Variants in FARS2 observed in about 807,000 individuals in gnomAD.
The protein encoded by FARS2 is phenylalanyl-tRNA synthetase 2, mitochondrial, also known as phenylalanine--tRNA ligase, mitochondrial.
FARS2 carries 40 observed loss-of-function variants against 46.4 expected under a neutral mutation model. That is an observed-to-expected ratio of 0.86 (90% CI 0.67 to 1.12). FARS2 has a LOEUF of 1.12. Ranked by LOEUF, FARS2 falls within the 50% of genes most tolerant of loss-of-function variation. The probability of loss-of-function intolerance (pLI) is 0.00; values close to 1 mark genes in which losing one functional copy is unlikely to be tolerated. For missense variants in FARS2, 513 were observed against 567.9 expected, an observed-to-expected ratio of 0.90 and a Z score of 0.98; for synonymous variants, 234 against 214.9, an observed-to-expected ratio of 1.09 and a Z score of -0.78.
intron 4 of FARS2, among the ~76,000 whole-genome samples, chr6:5,522,646 T>A (rs1769216789): frequency 6.6e-6 from 1 of 152,262 alleles, no homozygotes; most frequent in Admixed American, 6.5e-5. Context: ...CCTCCATCTG[T>A]TTTCTTTCTT....
intron 6 of FARS2, among the ~76,000 whole-genome samples, chr6:5,747,936 T>G (rs1457257412): frequency 6.6e-6 from 1 of 152,252 alleles, no homozygotes; most frequent in Non-Finnish European, 1.5e-5. Context: ...GCCTCCATTT[T>G]CTCTGATTCT....
chr6:5,667,524 A>C (rs1474887923), intron 6 of FARS2, among the ~76,000 whole-genome samples: 1 of 106,742 alleles, frequency 9.4e-6, no homozygotes, highest in Non-Finnish European at 1.9e-5. Context: ...TCTCAAGAAA[A>C]AAAAAAAAAG....
chr6:5,358,755 CATTT>C (rs962826845), intron 1 of FARS2, among the ~76,000 whole-genome samples: 1 of 152,008 alleles, frequency 6.6e-6, no homozygotes, highest in African/African-American at 2.4e-5. Context: ...CTTATGTATT[CATTT>C]AATTACAGAT....
chr6:5,733,501 C>G (rs1452437072), intron 6 of FARS2, among the ~76,000 whole-genome samples: 1 of 152,198 alleles, frequency 6.6e-6, no homozygotes, highest in African/African-American at 2.4e-5. Flanking sequence ...CATTGACTCT[C>G]TTTCCAAAAT....
intron 1 of FARS2, among the ~76,000 whole-genome samples, chr6:5,300,778 C>T (rs1286818924): frequency 6.6e-6 from 1 of 152,092 alleles, no homozygotes; most frequent in African/African-American, 2.4e-5. Context: ...TCAAGCTACC[C>T]TTCTGCCTCA....
chr6:5,391,572 T>G (rs1288830473), intron 2 of FARS2, among the ~76,000 whole-genome samples: 3 of 56,284 alleles, frequency 5.3e-5, no homozygotes, highest in Non-Finnish European at 1.5e-4. Context: ...TCAATAGTTA[T>G]TTTTTTTTTA....
rs1195279552 is a variant in FARS2 at position 5,717,933 on chromosome 6, T to TAGAGAGAGAGAGAGAGAGAG, written c.1218-53357_1218-53356insGAGAGAGAGAGAGAGAGAGA. Among the ~76,000 whole-genome samples, 138 of 128,246 alleles carry TAGAGAGAGAGAGAGAGAGAG rather than the reference T, an allele frequency of 1.1e-3. 3 individuals are homozygous for TAGAGAGAGAGAGAGAGAGAG. Among genetic ancestry groups the TAGAGAGAGAGAGAGAGAGAG allele is most frequent in the African/African-American group, 2.5e-3 (64 of 25,652 alleles). The allele number at this position is 128,246 out of a possible 152,430, so 84.1% of individuals were successfully genotyped here. A position where few individuals can be genotyped will look rare whatever the true frequency, so the allele number is the denominator to read the frequency against. ...CTATATATATATATATATATATATA[T>TAGAGAGAGAGAGAGAGAGAG]ATACAGAGTCTCACTCTGTCGCCCA... On this transcript the variant is annotated intron_variant, in intron 6 of 6. Transcript: ENST00000274680.
chr6:5,730,757 G>T (rs1464556005), intron 6 of FARS2, among the ~76,000 whole-genome samples: 3 of 152,116 alleles, frequency 2.0e-5, no homozygotes, highest in Non-Finnish European at 2.9e-5. Context: ...GGTTCTTTTG[G>T]TAGTAGTAAT....
At chr6:5,631,370 C>G (rs947769489) in intron 6 of FARS2, among the ~76,000 whole-genome samples, 1 of 152,120 alleles carries the variant, frequency 6.6e-6, no homozygotes, top group African/African-American at 2.4e-5. Context: ...CTCAAGACAA[C>G]TAGTCTGAAT....
chr6:5,620,060 T>C (rs1775685052), intron 6 of FARS2, among the ~76,000 whole-genome samples: 1 of 152,106 alleles, frequency 6.6e-6, no homozygotes, highest in African/African-American at 2.4e-5. Flanking sequence ...TTGTCATCCC[T>C]TGGTCTTGGG....
intron 1 of FARS2, among the ~76,000 whole-genome samples, chr6:5,302,899 AG>A (rs1270411095): frequency 1.3e-5 from 2 of 152,324 alleles, no homozygotes; most frequent in Non-Finnish European, 2.9e-5. Context: ...TTCGATGGAC[AG>A]GGTTAGTGGA....
chr6:5,598,031 C>T (rs2150624492), intron 5 of FARS2, among the ~76,000 whole-genome samples: 1 of 152,184 alleles, frequency 6.6e-6, no homozygotes, highest in East Asian at 1.9e-4. Flanking sequence ...GTTTTCTTCC[C>T]CATCCTGTCT....
chr6:5,287,345 G>A (rs755460752), intron 1 of FARS2, among the ~76,000 whole-genome samples: 13 of 152,166 alleles, frequency 8.5e-5, no homozygotes, highest in Non-Finnish European at 1.5e-4. Flanking sequence ...GGAGTGGTCC[G>A]TGTTATCATC....
At chr6:5,659,356 A>C (rs956691371) in intron 6 of FARS2, among the ~76,000 whole-genome samples, 5 of 152,136 alleles carry the variant, frequency 3.3e-5, no homozygotes, top group Non-Finnish European at 2.9e-5. Flanking sequence ...ATTAAGGGGG[A>C]TGAGAAGAGA....
rs373591718 is a variant in FARS2, at chr6:5,446,767, GAT to G, written c.904+15607_904+15608del. On this transcript the variant is annotated intron_variant, in intron 4 of 6. Transcript: ENST00000274680. Reference sequence around the variant, plus strand: ...TAAGGTATACAACATGATGTTATAAGATATATATATATAGTAATATGGTTACT... The same window carrying G: ...TAAGGTATACAACATGATGTTATAAGATATATATATAGTAATATGGTTACT... Among the ~76,000 whole-genome samples, 22 of 151,568 alleles carry G rather than the reference GAT, an allele frequency of 1.5e-4. 1 individual carries two copies. The highest frequency in any genetic ancestry group is 3.2e-4 in the Non-Finnish European group (22 of 67,888).
intron 1 of FARS2, among the ~76,000 whole-genome samples, chr6:5,336,192 CAAAT>C (rs1349013008): frequency 1.3e-5 from 2 of 150,372 alleles, no homozygotes; most frequent in African/African-American, 2.5e-5. Context: ...AAGTATCTGA[CAAAT>C]AAACTGAAAG....
chr6:5,290,366 G>A (rs1413220405), intron 1 of FARS2, among the ~76,000 whole-genome samples: 2 of 152,184 alleles, frequency 1.3e-5, no homozygotes, highest in Non-Finnish European at 2.9e-5. Flanking sequence ...GTATCTCACA[G>A]ACTGCATTTA....
chr6:5,769,057 G>A (rs999670009), intron 6 of FARS2, among the ~76,000 whole-genome samples: 7 of 151,908 alleles, frequency 4.6e-5, no homozygotes, highest in East Asian at 1.9e-4. Context: ...TTGCCTATGC[G>A]GTCATGAATA....
chr6:5,395,399 A>G (rs1464857535), intron 2 of FARS2, among the ~76,000 whole-genome samples: 1 of 152,110 alleles, frequency 6.6e-6, no homozygotes, highest in African/African-American at 2.4e-5. Context: ...TCCTTTTATT[A>G]CCAAACTAGA....
Sources: gnomAD v4.1 joint callset for allele counts (sites outside exome capture counted in the v4.1 genomes callset) on GRCh38, gnomAD v4.1.1 for gene constraint, MANE v1.5 for transcripts, NCBI Gene and HGNC (gene_info 2026-07-23, HGNC 2026-07-21) for gene names.